Variants in PCDH15 observed in about 807,000 individuals in gnomAD.
PCDH15 encodes protocadherin related 15.
PCDH15 carries 129 observed loss-of-function variants against 178.5 expected under a neutral mutation model. That is an observed-to-expected ratio of 0.72 (90% CI 0.63 to 0.84). PCDH15 has a LOEUF of 0.84. Ranked by LOEUF, PCDH15 falls within the 40% of genes least tolerant of loss-of-function variation. PCDH15 has a pLI of 0.00. For missense variants in PCDH15, 2,230 were observed against 2,099.9 expected (o/e 1.06, Z -1.21); for synonymous variants, 800 against 732.0 (o/e 1.09, Z -1.50).
chr10:54,384,544 G>GA (rs1453107340), intron 3 of PCDH15, among the ~76,000 whole-genome samples: 1 of 151,900 alleles, frequency 6.6e-6, no homozygotes, highest in Non-Finnish European at 1.5e-5. Context: ...AGTGTCTTAA[G>GA]AAAAAAATCC....
intron 20 of PCDH15, among the ~76,000 whole-genome samples, chr10:54,019,824 C>T (rs1446082201): frequency 6.6e-6 from 1 of 151,908 alleles, no homozygotes; most frequent in Non-Finnish European, 1.5e-5. Flanking sequence ...CCTTCAGAGT[C>T]ATATATAAAA....
chr10:54,726,828 G>A (rs1397963126), intron 1 of PCDH15, among the ~76,000 whole-genome samples: 37 of 150,402 alleles, frequency 2.5e-4, no homozygotes, highest in African/African-American at 8.8e-4. Context: ...TGGTTCTTCA[G>A]GTCAACTCAT....
At chr10:55,506,582 G>GAT (rs1439208678) in intron 2 of PCDH15, among the ~76,000 whole-genome samples, 1 of 151,614 alleles carries the variant, frequency 6.6e-6, no homozygotes, top group African/African-American at 2.4e-5. Context: ...TGACGAAGGT[G>GAT]ATAAGGTAAC....
intron 9 of PCDH15, among the ~76,000 whole-genome samples, chr10:54,222,112 C>A (rs2052895493): frequency 6.6e-6 from 1 of 152,198 alleles, no homozygotes; most frequent in Admixed American, 6.5e-5. Flanking sequence ...ATGCTATGAA[C>A]TTTCCTGTAT....
chr10:54,557,075 C>T (rs958997876), intron 2 of PCDH15, among the ~76,000 whole-genome samples: 1 of 152,052 alleles, frequency 6.6e-6, no homozygotes, highest in Non-Finnish European at 1.5e-5. Context: ...TTCATAGACT[C>T]AGTGGCAAAA....
intron 1 of PCDH15, among the ~76,000 whole-genome samples, chr10:55,183,304 T>C (rs958315065): frequency 1.3e-5 from 2 of 151,966 alleles, no homozygotes; most frequent in African/African-American, 2.4e-5. Flanking sequence ...TGTCCTGATA[T>C]AAAAACATAG....
At chr10:55,388,773 C>G (rs1837724325) in intron 2 of PCDH15, among the ~76,000 whole-genome samples, 1 of 151,990 alleles carries the variant, frequency 6.6e-6, no homozygotes, top group Admixed American at 6.6e-5. Context: ...TATGGAATAT[C>G]AACCAGTTCC....
chr10:54,815,816 A>G (rs1304432143), intron 3 of PCDH15, among the ~76,000 whole-genome samples: 12 of 152,132 alleles, frequency 7.9e-5, no homozygotes, highest in African/African-American at 2.9e-4. Flanking sequence ...CAAACAGATG[A>G]TAAACACAGT....
intron 16 of PCDH15, among the ~76,000 whole-genome samples, chr10:54,082,865 G>A (rs1049220385): frequency 2.6e-5 from 4 of 151,574 alleles, no homozygotes; most frequent in African/African-American, 4.8e-5. Context: ...TCTGGTAAGA[G>A]TCTTATTTCC....
chr10:55,616,932 C>T (rs1227755566), intron 2 of PCDH15, among the ~76,000 whole-genome samples: 1 of 151,826 alleles, frequency 6.6e-6, no homozygotes. Context: ...TATTATGTTA[C>T]ATGTATTATA....
At chr10:54,945,238 C>T (rs1426691795) in intron 2 of PCDH15, among the ~76,000 whole-genome samples, 2 of 151,658 alleles carry the variant, frequency 1.3e-5, no homozygotes, top group Admixed American at 6.6e-5. Flanking sequence ...ATCCAAGCAA[C>T]AGAACATATA....
chr10:55,511,014 C>T (rs1317896346), intron 2 of PCDH15, among the ~76,000 whole-genome samples: 1 of 150,930 alleles, frequency 6.6e-6, no homozygotes, highest in Non-Finnish European at 1.5e-5. Flanking sequence ...CATGCACCAA[C>T]ATGAGTGGCT....
intron 8 of PCDH15, among the ~76,000 whole-genome samples, chr10:54,258,612 G>T (rs1389526583): frequency 1.3e-5 from 2 of 152,244 alleles, no homozygotes; most frequent in Middle Eastern, 6.8e-3. Flanking sequence ...TGTAACAAGT[G>T]AACCACCCAG....
At chr10:54,160,436 A>G (rs2045591485) in intron 13 of PCDH15, among the ~76,000 whole-genome samples, 1 of 152,190 alleles carries the variant, frequency 6.6e-6, no homozygotes, top group African/African-American at 2.4e-5. Context: ...TGCATCACAG[A>G]CCTAAAGGTG....
chr10:54,848,128 C>T (rs1049280051), intron 3 of PCDH15, among the ~76,000 whole-genome samples: 7 of 152,052 alleles, frequency 4.6e-5, no homozygotes, highest in African/African-American at 7.2e-5. Context: ...CCTGTAATCC[C>T]AGCACTTTGG....
At chr10:55,539,854 C>T (rs938149547) in intron 2 of PCDH15, among the ~76,000 whole-genome samples, 3 of 151,998 alleles carry the variant, frequency 2.0e-5, no homozygotes, top group East Asian at 1.9e-4. Context: ...GTGTCAATTA[C>T]GACCCAGGTA....
At chr10:55,369,382 A>T (rs970316085) in intron 2 of PCDH15, among the ~76,000 whole-genome samples, 1 of 152,016 alleles carries the variant, frequency 6.6e-6, no homozygotes, top group Admixed American at 6.6e-5. Context: ...GATAGAAATC[A>T]ACAAAGTGTA....
chr10:55,214,628 A>G (rs1431775177), intron 1 of PCDH15, among the ~76,000 whole-genome samples: 1 of 151,260 alleles, frequency 6.6e-6, no homozygotes, highest in East Asian at 2.0e-4. Flanking sequence ...TTCAAACTTT[A>G]TGTTTCATGG....
Position 55,098,994 on chromosome 10 carries a change from T to A in PCDH15, c.-80+67582A>T, listed in dbSNP as rs569351868. On this transcript the variant is annotated intron_variant, in intron 2 of 5. Coordinates refer to the PCDH15 transcript ENST00000458638. Reference sequence around the variant, plus strand: ...CTCTGCTCCTAAACTCACTCTCTTGTGTGTTGCGTGTCCTTAATCTATTTG... The same window carrying A: ...CTCTGCTCCTAAACTCACTCTCTTGAGTGTTGCGTGTCCTTAATCTATTTG... Among the ~76,000 whole-genome samples the A allele has an allele frequency of 5.9e-5, 9 of 151,702 alleles. No individual in the cohort carries two copies. The East Asian group carries it at 1.7e-3, about 29-fold the overall frequency.
Sources: allele counts gnomAD v4.1 joint callset (sites outside exome capture counted in the v4.1 genomes callset), GRCh38; gene constraint gnomAD v4.1.1; transcripts MANE v1.5; gene names NCBI Gene and HGNC (gene_info 2026-07-23, HGNC 2026-07-21).